GET4: variants seen among roughly 807,000 people sequenced by gnomAD.
The protein encoded by GET4 is Golgi to ER traffic protein 4 homolog.
Under a neutral mutation model 40.0 loss-of-function variants are expected in GET4, and 20 were observed. The observed-to-expected ratio is 0.50, with a 90% CI of 0.35 to 0.73. The LOEUF (loss-of-function observed/expected upper bound fraction) is 0.73. Among genes scored for constraint, GET4 ranks in the 30% least tolerant of loss-of-function variants. GET4 has a pLI of 0.01. For synonymous variants in GET4, 280 were observed against 194.6 expected (o/e 1.44, Z -3.65); for missense variants, 557 against 454.0 (o/e 1.23, Z -2.06).
intron 4 of GET4, among the ~76,000 whole-genome samples, chr7:888,369 C>T (rs1381808730): frequency 6.6e-6 from 1 of 152,184 alleles, no homozygotes; most frequent in Non-Finnish European, 1.5e-5. Flanking sequence ...CCTGGTCATG[C>T]GAAACGCATG....
Position 876,740 on chromosome 7 carries a change from C to G in GET4, c.95C>G (p.Ala32Gly). The G allele has an allele frequency of 2.2e-6, 3 of 1,376,922 alleles. No homozygotes were observed. The highest frequency in any genetic ancestry group is 1.5e-5 in the African/African-American group (1 of 65,048). The allele number at this position is 1,376,922 out of a possible 1,614,324, so 85.3% of individuals were successfully genotyped here. Residue 32 changes from alanine (A) to glycine (G), a missense_variant, in exon 1 of 9, where the codon GCC becomes GGC. Ala to Gly is a moderately conservative substitution (Grantham distance 60). Coordinates refer to ENST00000265857, the MANE Select transcript of GET4 (RefSeq NM_015949.3). ...CAGCGTGTGGAGGGCAAGCTGCGCG[C>G]CAGCGTCGAGAAGGGCGACTACTAC... Reference protein sequence around the residue: ...GVQRVEGKLRASVEKGDYYEA... With the variant: ...GVQRVEGKLRGSVEKGDYYEA...
intron 1 of GET4, chr7:882,872 C>A (rs1720778417): frequency 6.6e-6 from 1 of 152,264 alleles, no homozygotes; most frequent in Admixed American, 6.5e-5. Flanking sequence ...GTGGCTGAGA[C>A]CACAGCCCAG....
intron 8 of GET4, 51 bp downstream of exon 8, chr7:894,022 G>GT: frequency 7.8e-7 from 1 of 1,275,452 alleles, no homozygotes; most frequent in Non-Finnish European, 1.1e-6. Flanking sequence ...GTCGGTGTGG[G>GT]GTCATCATCT....
At chr7:887,242 C>G (rs753684518) in intron 3 of GET4, 128 bp from the exon 4 acceptor site, 1 of 951,942 alleles carries the variant, frequency 1.1e-6, no homozygotes, top group East Asian at 2.4e-5. Flanking sequence ...ACGGCTCACT[C>G]AGGGACGCCC....
At position 895,457 on chromosome 7, in the gene GET4, G is replaced by A. The variant is rs371222466; in HGVS notation, c.*35G>A. 5.3e-5 allele frequency: 59 copies of A among 1,122,496 alleles called. No individual in the cohort carries two copies. Among genetic ancestry groups the A allele is most frequent in the South Asian group, 2.6e-4 (20 of 77,662 alleles). 69.5% of individuals were successfully genotyped at this position (1,122,496 alleles called of 1,614,324 possible). On this transcript the variant is annotated 3_prime_UTR_variant, in exon 9 of 9. Transcript: ENST00000265857. The stretch of plus-strand genomic sequence containing the variant: ...GCCACGTGGAGACACCACGGTCGAC[G>A]ACGGCTGGAGGGACGTTTCAGAGGC...
At chr7:884,303 C>T (rs987995992) in intron 1 of GET4, 9 of 1,304,138 alleles carry the variant, frequency 6.9e-6, no homozygotes, top group East Asian at 1.1e-4. Context: ...CTCCCGGCCT[C>T]CTCTGAGTCA....
intron 1 of GET4, chr7:878,154 G>T (rs554856567): frequency 9.7e-5 from 41 of 420,740 alleles, no homozygotes; most frequent in South Asian, 1.9e-4. Context: ...GGCCGGTGTA[G>T]CCTGGAGGGC....
At chr7:887,049 G>C in intron 3 of GET4, 1 of 583,606 alleles carries the variant, frequency 1.7e-6, no homozygotes, top group African/African-American at 1.8e-5. Context: ...AGTCCCTGCT[G>C]CTCTGGGAGA....
chr7:888,127 C>T (rs1270197397), intron 4 of GET4, among the ~76,000 whole-genome samples: 1 of 152,196 alleles, frequency 6.6e-6, no homozygotes, highest in Non-Finnish European at 1.5e-5. Context: ...CGTCAGGCGT[C>T]AGGAGGCCTG....
At chr7:895,232 A>G (rs915155154) in intron 8 of GET4, 102 bp from the exon 9 acceptor site, 16 of 636,522 alleles carry the variant, frequency 2.5e-5, no homozygotes, top group Middle Eastern at 5.2e-4. Flanking sequence ...TGCTTGTTCC[A>G]TGGGACACTG....
intron 6 of GET4, among the ~76,000 whole-genome samples, chr7:893,409 G>A (rs930015190): frequency 2.2e-5 from 3 of 138,886 alleles, no homozygotes; most frequent in Non-Finnish European, 4.7e-5. Context: ...TGGGCGCGGT[G>A]GTGTGTGCAG....
chr7:895,596 A>G lies in GET4; in HGVS notation c.*174A>G. On this transcript the variant is annotated 3_prime_UTR_variant, in exon 9 of 9. Transcript: ENST00000265857. ...GCTCAGGGTGGCGCGGCTGCTGCTC[A>G]CTGTGCTGCTGGGACCCAAGAGTGG... 4 of 484,658 alleles carry G rather than the reference A, an allele frequency of 8.3e-6. No individual in the cohort carries two copies. The highest frequency in any genetic ancestry group is 2.8e-5 in the South Asian group (1 of 35,486). The allele number at this position is 484,658 out of a possible 1,614,324, so 30.0% of individuals were successfully genotyped here. A position where few individuals can be genotyped will look rare whatever the true frequency, so the allele number is the denominator to read the frequency against.
chr7:893,376 T>TG (rs1260830496), intron 6 of GET4, among the ~76,000 whole-genome samples: 1 of 124,670 alleles, frequency 8.0e-6, no homozygotes, highest in African/African-American at 3.0e-5. Context: ...GTGGGCGTGG[T>TG]GTGTGCAGGT....
chr7:888,922 C>G (rs542847871), intron 4 of GET4, among the ~76,000 whole-genome samples: 14 of 152,386 alleles, frequency 9.2e-5, no homozygotes, highest in African/African-American at 3.1e-4. Flanking sequence ...GAGTCAGGAA[C>G]AAATGCGTCA....
intron 7 of GET4, 32 bp from the exon 8 acceptor site, chr7:893,867 C>G (rs117948702): frequency 6.8e-6 from 11 of 1,609,966 alleles, no homozygotes; most frequent in African/African-American, 1.3e-5. Flanking sequence ...TCTGGGTCCA[C>G]CCCCTCTGAG....
At chr7:891,757 C>G (rs1462254730) in intron 5 of GET4, among the ~76,000 whole-genome samples, 1 of 152,280 alleles carries the variant, frequency 6.6e-6, no homozygotes, top group Non-Finnish European at 1.5e-5. Context: ...TTGCCAGGAG[C>G]TGGCGTCCGT....
Position 893,783 on chromosome 7 carries a change from C to G in GET4, c.790C>G (p.Pro264Ala), listed in dbSNP as rs141406197. ...CACTGTGCTGTGTGAGCAGTACCAG[C>G]CATCCCTCCGGCGGGACCCCATGTA... ...VFTVLCEQYQ[P>A]SLRRDPMYNE... is the part of the protein sequence containing the mutation. The change falls in exon 7 of 9, where the codon CCA (proline) becomes GCA (alanine). Residue 264 changes from proline to alanine, a missense_variant. Pro to Ala is a conservative substitution (Grantham distance 27). Coordinates refer to ENST00000265857, the MANE Select transcript of GET4 (RefSeq NM_015949.3). 5.0e-6 allele frequency: 8 copies of G among 1,610,894 alleles called. No homozygotes were observed. In the African/African-American group the frequency reaches 1.1e-4, roughly 22 times the overall value.
chr7:896,391 A>G lies in GET4; in HGVS notation c.*969A>G, dbSNP rs987007234. On this transcript the variant is annotated 3_prime_UTR_variant, in exon 9 of 9. Transcript: ENST00000265857. ...TTTACTGTAAAGTGGAATTTCAGGA[A>G]GGCTTGTGTGAACCGTTGCGCATAA... 1.3e-5 allele frequency: 2 copies of G among 152,182 alleles called. No individual in the cohort carries two copies. The highest frequency in any genetic ancestry group is 4.8e-5 in the African/African-American group (2 of 41,428). The allele number at this position is 152,182 out of a possible 1,614,324, so 9.4% of individuals were successfully genotyped here. A position where few individuals can be genotyped will look rare whatever the true frequency, so the allele number is the denominator to read the frequency against.
Position 886,607 on chromosome 7 carries a change from G to T in GET4, c.273G>T (p.Glu91Asp). The T allele has an allele frequency of 6.2e-7, 1 of 1,613,206 alleles. No homozygotes were observed. The highest frequency in any genetic ancestry group is 1.3e-5 in the African/African-American group (1 of 74,988). Reference sequence around the variant, plus strand: ...CAGACTTGTCCATGCTGGTCCTGGAGTCCCTGGAGAAGGCGGAAGTGGAGG... The same window carrying T: ...CAGACTTGTCCATGCTGGTCCTGGATTCCCTGGAGAAGGCGGAAGTGGAGG... Reference protein sequence around the residue: ...SAADLSMLVLESLEKAEVEVA... With the variant: ...SAADLSMLVLDSLEKAEVEVA... Residue 91 changes from glutamate to aspartate, a missense_variant, in exon 3 of 9, where the codon GAG becomes GAT. Coordinates refer to ENST00000265857, the MANE Select transcript of GET4 (RefSeq NM_015949.3).
Sources: allele counts gnomAD v4.1 joint callset (sites outside exome capture counted in the v4.1 genomes callset), GRCh38; gene constraint gnomAD v4.1.1; transcripts MANE v1.5; gene names NCBI Gene and HGNC (gene_info 2026-07-23, HGNC 2026-07-21).